The following YY1 variants were observed in gnomAD, a reference collection of about 807,000 sequenced individuals.
The protein encoded by YY1 is transcriptional repressor protein YY1.
Under a neutral mutation model 35.6 loss-of-function variants are expected in YY1, and 2 were observed. That is an observed-to-expected ratio of 0.06 (90% CI 0.02 to 0.18). The LOEUF (loss-of-function observed/expected upper bound fraction) is 0.18. YY1 is among the 10% of genes least tolerant of loss of function. The pLI is 1.00. For missense variants in YY1, 322 were observed against 573.4 expected (o/e 0.56, Z 4.48); for synonymous variants, 268 against 238.9 (o/e 1.12, Z -1.12).
At chr14:100,245,443 G>T (rs1168467434) in intron 1 of YY1, among the ~76,000 whole-genome samples, 3 of 152,094 alleles carry the variant, frequency 2.0e-5, no homozygotes, top group Admixed American at 2.0e-4. Flanking sequence ...CTTCAACTAT[G>T]TTTTGAATAA....
intron 1 of YY1, among the ~76,000 whole-genome samples, chr14:100,254,696 A>G (rs1246380517): frequency 1.3e-5 from 2 of 152,002 alleles, no homozygotes; most frequent in Non-Finnish European, 2.9e-5. Flanking sequence ...ACCTTAGGTG[A>G]TCAGCCCACC....
intron 1 of YY1, among the ~76,000 whole-genome samples, chr14:100,240,532 C>A (rs1359127289): frequency 0.015 from 1 of 68 alleles, no homozygotes; most frequent in Non-Finnish European, 0.036. Flanking sequence ...CACTCGTGGG[C>A]GCCCTCCGGC....
chr14:100,253,531 C>T (rs1038090479), intron 1 of YY1, among the ~76,000 whole-genome samples: 1 of 152,192 alleles, frequency 6.6e-6, no homozygotes, highest in African/African-American at 2.4e-5. Context: ...TATTCTCCCA[C>T]CTCAGCCACC....
rs1472873580 is a variant in YY1, at chr14:100,282,674, C to T, written c.*5074C>T. 1 of 152,136 alleles carries T rather than the reference C, an allele frequency of 6.6e-6. No individual in the cohort carries two copies. Among genetic ancestry groups the T allele is most frequent in the Non-Finnish European group, 1.5e-5 (1 of 68,042 alleles). 9.4% of individuals were successfully genotyped at this position (152,136 alleles called of 1,614,324 possible). A position where few individuals can be genotyped will look rare whatever the true frequency, so the allele number is the denominator to read the frequency against. ...GCAGAAATATAGTATTTAAGGCATC[C>T]GCATCCAGCATCAGATGGCTTTGCA... On this transcript the variant is annotated 3_prime_UTR_variant, in exon 5 of 5. Coordinates refer to ENST00000262238, the MANE Select transcript of YY1 (RefSeq NM_003403.5).
intron 2 of YY1, among the ~76,000 whole-genome samples, chr14:100,271,107 C>T (rs946342386): frequency 2.0e-5 from 3 of 151,950 alleles, no homozygotes; most frequent in Non-Finnish European, 2.9e-5. Flanking sequence ...ATTAGCCGGG[C>T]ATAGTGGCGG....
chr14:100,239,812 G>A lies in YY1; in HGVS notation c.568G>A (p.Ala190Thr). 4.0e-6 allele frequency: 6 copies of A among 1,500,824 alleles called. No individual in the cohort carries two copies. Among genetic ancestry groups the A allele is most frequent in the Non-Finnish European group, 4.4e-6 (5 of 1,131,898 alleles). The allele number at this position is 1,500,824 out of a possible 1,614,324, so 93.0% of individuals were successfully genotyped here. Reference protein sequence around the residue: ...SGKKSYLSGGAGAAGGGGADP... With the variant: ...SGKKSYLSGGTGAAGGGGADP... ...CAAGAAGAGTTACCTCAGCGGCGGGGCCGGCGCGGCGGGCGGCGGCGGCGC... is the reference window on the plus strand; with the variant it reads ...CAAGAAGAGTTACCTCAGCGGCGGGACCGGCGCGGCGGGCGGCGGCGGCGC... Residue 190 changes from alanine to threonine, a missense_variant, in exon 1 of 5, where the codon GCC (alanine) becomes ACC (threonine). By Grantham distance (58) the Ala-to-Thr change is moderately conservative (BLOSUM62 0). Around this residue, in one of 4 missense-constraint regions of YY1, gnomAD observed 152 missense variants for 167.1 expected, o/e 0.91. Coordinates refer to ENST00000262238, the MANE Select transcript of YY1 (RefSeq NM_003403.5).
chr14:100,277,893 A>G lies in YY1; in HGVS notation c.*293A>G, dbSNP rs569018486. The G allele has an allele frequency of 3.1e-5, 12 of 385,810 alleles. No individual in the cohort carries two copies. Among genetic ancestry groups the G allele is most frequent in the South Asian group, 8.8e-5 (3 of 34,174 alleles). 23.9% of individuals were successfully genotyped at this position (385,810 alleles called of 1,614,324 possible). ...TTCATGAACTTCGCATCAAAAGACAATTCTTTATACAACAGTGCTAAAAAT... is the reference window on the plus strand; with the variant it reads ...TTCATGAACTTCGCATCAAAAGACAGTTCTTTATACAACAGTGCTAAAAAT... On this transcript the variant is annotated 3_prime_UTR_variant, in exon 5 of 5. Transcript: ENST00000262238. The surrounding 1 kb of genome is among the most constrained non-coding windows in gnomAD (Gnocchi z 5.6).
Position 100,276,254 on chromosome 14 carries a change from C to T in YY1, c.904-236C>T. 1 of 547,308 alleles carries T rather than the reference C, an allele frequency of 1.8e-6. No homozygotes were observed. Among genetic ancestry groups the T allele is most frequent in the Non-Finnish European group, 3.2e-6 (1 of 313,546 alleles). The allele number at this position is 547,308 out of a possible 1,614,324, so 33.9% of individuals were successfully genotyped here. On this transcript the variant is annotated intron_variant, in intron 3 of 4. Transcript: ENST00000262238. The surrounding 1 kb of genome is among the most constrained non-coding windows in gnomAD (Gnocchi z 4.1). ...CTTGGGCAAGTCTACTTAAAGACAT[C>T]TCTAAGCCTCAGTTTCCTCATCTGT...
chr14:100,267,622 C>T lies in YY1; in HGVS notation c.842+5156C>T, dbSNP rs1206747115. Among the ~76,000 whole-genome samples, 3 of 151,856 alleles carry T rather than the reference C, an allele frequency of 2.0e-5. 1 individual carries two copies. In the South Asian group the frequency reaches 6.2e-4, roughly 32 times the overall value. ...CACTGCAGCCTCTGCCTCCTGGGTTCAAGCAATTCTTCTGCCTCAGCCTTC... is the reference window on the plus strand; with the variant it reads ...CACTGCAGCCTCTGCCTCCTGGGTTTAAGCAATTCTTCTGCCTCAGCCTTC... On this transcript the variant is annotated intron_variant, in intron 2 of 4. Coordinates refer to ENST00000262238, the MANE Select transcript of YY1 (RefSeq NM_003403.5).
intron 1 of YY1, among the ~76,000 whole-genome samples, chr14:100,240,862 C>A (rs1345172423): frequency 2.0e-5 from 3 of 152,064 alleles, no homozygotes; most frequent in Non-Finnish European, 4.4e-5. Context: ...CAACTGTGGA[C>A]ATTTGCCAGT....
chr14:100,251,556 G>A (rs1164645820), intron 1 of YY1, among the ~76,000 whole-genome samples: 1 of 152,208 alleles, frequency 6.6e-6, no homozygotes, highest in African/African-American at 2.4e-5. Context: ...GCTTCATTCT[G>A]CAGGAACTTG....
chr14:100,246,487 C>A (rs1461561825), intron 1 of YY1, among the ~76,000 whole-genome samples: 2 of 152,034 alleles, frequency 1.3e-5, no homozygotes, highest in Non-Finnish European at 2.9e-5. Flanking sequence ...GTGGTGAGAC[C>A]CCACCTGAGC....
intron 1 of YY1, among the ~76,000 whole-genome samples, chr14:100,254,104 G>T (rs1890965701): frequency 6.6e-6 from 1 of 152,014 alleles, no homozygotes; most frequent in South Asian, 2.1e-4. Context: ...TCAAAGTGCT[G>T]GGATTATAGG....
rs1891325438 is a variant in YY1 at position 100,276,771 on chromosome 14, G to A, written c.1062+123G>A. 1 of 1,474,920 alleles carries A rather than the reference G, an allele frequency of 6.8e-7. No homozygotes were observed. Among genetic ancestry groups the A allele is most frequent in the African/African-American group, 1.4e-5 (1 of 72,244 alleles). The allele number at this position is 1,474,920 out of a possible 1,614,324, so 91.4% of individuals were successfully genotyped here. A position where few individuals can be genotyped will look rare whatever the true frequency, so the allele number is the denominator to read the frequency against. On this transcript the variant is annotated intron_variant, in intron 4 of 4. Transcript: ENST00000262238. The surrounding 1 kb of genome is among the most constrained non-coding windows in gnomAD (Gnocchi z 4.1). ...ACTCAGGGTCTTATTACTCCTTGGTGAGAAACAAAACTTCTCCTGGGGAGT... is the reference window on the plus strand; with the variant it reads ...ACTCAGGGTCTTATTACTCCTTGGTAAGAAACAAAACTTCTCCTGGGGAGT...
chr14:100,278,777 CTGT>C lies in YY1; in HGVS notation c.*1178_*1180del, dbSNP rs1891364958. 1 of 152,294 alleles carries C rather than the reference CTGT, an allele frequency of 6.6e-6. No homozygotes were observed. The highest frequency in any genetic ancestry group is 2.4e-5 in the African/African-American group (1 of 41,464). 9.4% of individuals were successfully genotyped at this position (152,294 alleles called of 1,614,324 possible). A position where few individuals can be genotyped will look rare whatever the true frequency, so the allele number is the denominator to read the frequency against. ...CCCCCGGCAAGTGTGAGTGAAGCAT[CTGT>C]ACCACCGCGCAGGCTGAGCGCCTGC... On this transcript the variant is annotated 3_prime_UTR_variant, in exon 5 of 5. Coordinates refer to ENST00000262238, the MANE Select transcript of YY1 (RefSeq NM_003403.5).
rs576511787 is a variant in YY1, at chr14:100,278,370, A to C, written c.*770A>C. On this transcript the variant is annotated 3_prime_UTR_variant, in exon 5 of 5. Coordinates refer to ENST00000262238, the MANE Select transcript of YY1 (RefSeq NM_003403.5). ...AATTTCTTTGCCTGTTCAGTTACAG[A>C]AAGTGGTGCTCAGTTGTAGAATGTA... 3 of 152,886 alleles carry C rather than the reference A, an allele frequency of 2.0e-5. No individual in the cohort carries two copies. Among genetic ancestry groups the C allele is most frequent in the African/African-American group, 7.2e-5 (3 of 41,586 alleles). 9.5% of individuals were successfully genotyped at this position (152,886 alleles called of 1,614,324 possible). A position where few individuals can be genotyped will look rare whatever the true frequency, so the allele number is the denominator to read the frequency against.
Position 100,239,233 on chromosome 14 carries a change from G to T in YY1, c.-12G>T. On this transcript the variant is annotated 5_prime_UTR_variant, in exon 1 of 5. Coordinates refer to ENST00000262238, the MANE Select transcript of YY1 (RefSeq NM_003403.5). ...CGAGGCCGCCGCGGCCGTGGCGGCG[G>T]AGCCCTCAGCCATGGCCTCGGGCGA... 1 of 1,495,344 alleles carries T rather than the reference G, an allele frequency of 6.7e-7. No homozygotes were observed. The highest frequency in any genetic ancestry group is 2.8e-5 in the East Asian group (1 of 36,262). The allele number at this position is 1,495,344 out of a possible 1,614,324, so 92.6% of individuals were successfully genotyped here.
intron 3 of YY1, among the ~76,000 whole-genome samples, chr14:100,275,475 G>A (rs970134322): frequency 6.6e-6 from 1 of 152,124 alleles, no homozygotes; most frequent in Non-Finnish European, 1.5e-5. Context: ...AAATGTAAAC[G>A]TATCTCCATT....
rs569598692 is a variant in YY1 at position 100,265,715 on chromosome 14, C to A, written c.842+3249C>A. 2.7e-5 allele frequency among the ~76,000 whole-genome samples: 4 copies of A among 147,902 alleles called. No individual in the cohort carries two copies. The East Asian group carries it at 8.0e-4, about 30-fold the overall frequency. ...CCCAGGCTGGAGTGCAGTGGCACGACCTCGGCTCACTGCAGCCTCTTCCAC... is the reference window on the plus strand; with the variant it reads ...CCCAGGCTGGAGTGCAGTGGCACGAACTCGGCTCACTGCAGCCTCTTCCAC... On this transcript the variant is annotated intron_variant, in intron 2 of 4. Transcript: ENST00000262238.
Sources: gnomAD v4.1 joint callset for allele counts (sites outside exome capture counted in the v4.1 genomes callset) on GRCh38, gnomAD v4.1.1 for gene constraint, gnomAD v4.1.1 regional missense constraint, Gnocchi (gnomAD v3.1) non-coding constraint, MANE v1.5 for transcripts, NCBI Gene and HGNC (gene_info 2026-07-23, HGNC 2026-07-21) for gene names.